The following COL28A1 variants were observed in gnomAD, a reference collection of about 807,000 sequenced individuals.
The protein encoded by COL28A1 is collagen type XXVIII alpha 1 chain.
A neutral mutation model predicts 150.2 loss-of-function variants in COL28A1; 161 were observed. The observed-to-expected ratio is 1.07, with a 90% CI of 0.94 to 1.22. The LOEUF is 1.22. COL28A1 is among the 50% of genes most tolerant of loss of function. The pLI, the probability that COL28A1 is intolerant of heterozygous loss-of-function variation, is 0.00. For synonymous variants in COL28A1, 552 were observed against 469.7 expected, an observed-to-expected ratio of 1.18 and a Z score of -2.26; for missense variants, 1,617 against 1,388.3, an observed-to-expected ratio of 1.16 and a Z score of -2.62.
At chr7:7,391,121 T>C (rs951406910) in intron 27 of COL28A1, among the ~76,000 whole-genome samples, 1 of 152,244 alleles carries the variant, frequency 6.6e-6, no homozygotes, top group Non-Finnish European at 1.5e-5. Flanking sequence ...TTTCGTGCTA[T>C]AAATTTCCCT....
At chr7:7,499,800 C>A (rs1329716621) in intron 11 of COL28A1, among the ~76,000 whole-genome samples, 1 of 152,118 alleles carries the variant, frequency 6.6e-6, no homozygotes, top group East Asian at 1.9e-4. Context: ...GTAGGTTGAC[C>A]TAGCTACTAA....
intron 27 of COL28A1, among the ~76,000 whole-genome samples, chr7:7,394,600 G>C (rs1431077936): frequency 7.2e-5 from 11 of 152,160 alleles, no homozygotes; most frequent in African/African-American, 2.4e-4. Context: ...TAGCTATGGA[G>C]GGTCAGTTCA....
At chr7:7,408,194 T>C (rs1783593856) in intron 27 of COL28A1, among the ~76,000 whole-genome samples, 2 of 152,138 alleles carry the variant, frequency 1.3e-5, no homozygotes, top group Admixed American at 6.6e-5. Flanking sequence ...AATGTGAAAG[T>C]TGTTCTGAAG....
intron 27 of COL28A1, among the ~76,000 whole-genome samples, chr7:7,383,696 ATATATATG>A (rs1444650528): frequency 4.1e-4 from 60 of 144,686 alleles, no homozygotes; most frequent in Non-Finnish European, 6.7e-4. Flanking sequence ...ATATATATAT[ATATATATG>A]TATATGAGAT....
In COL28A1 at chr7:7,452,392, T is replaced by C; in HGVS notation, c.1441-5A>G. ...TCCCATTTGGCCTACTTCTCCCTAG[T>C]AAGAAAAGAGTTTAATACAGCAGCA... On this transcript the variant is annotated splice_polypyrimidine_tract_variant and splice_region_variant and intron_variant, in intron 17 of 34. Transcript: ENST00000399429. 1 of 1,592,274 alleles carries C rather than the reference T, an allele frequency of 6.3e-7. No homozygotes were observed. The highest frequency in any genetic ancestry group is 8.5e-7 in the Non-Finnish European group (1 of 1,174,902).
At chr7:7,391,114 C>G (rs9648611) in intron 27 of COL28A1, among the ~76,000 whole-genome samples, 1 of 151,972 alleles carries the variant, frequency 6.6e-6, no homozygotes, top group African/African-American at 2.4e-5. Context: ...GTGGGCATTT[C>G]GTGCTATAAA....
At position 7,489,432 on chromosome 7, in the gene COL28A1, G is replaced by A. The variant is rs753500892; in HGVS notation, c.1121C>T (p.Pro374Leu). Residue 374 changes from proline to leucine, a missense_variant, in exon 13 of 35, where the codon CCG becomes CTG. Transcript: ENST00000399429. ...IKGERGQEGR[P>L]GAPGPIGVGE... ...AACTCCAATGGGTCCTGGAGCTCCC[G>A]GTCTTCCTTCTTGGCCTCTTTCTCC... is the stretch of plus-strand genomic sequence containing the variant. 88 of 1,459,736 alleles carry A rather than the reference G, an allele frequency of 6.0e-5. 1 individual carries two copies. The highest frequency in any genetic ancestry group is 1.5e-4 in the South Asian group (13 of 88,028). 90.4% of individuals were successfully genotyped at this position (1,459,736 alleles called of 1,614,324 possible). A position where few individuals can be genotyped will look rare whatever the true frequency, so the allele number is the denominator to read the frequency against.
chr7:7,541,941 A>C, the COL28A1 span, among the ~76,000 whole-genome samples: 2,437 of 22,900 alleles, frequency 0.11, 65 homozygotes, highest in African/African-American at 0.14. Context: ...AGTTTTACCC[A>C]AAAAAAAAAA....
chr7:7,464,527 A>T (rs1787905632), intron 15 of COL28A1, among the ~76,000 whole-genome samples: 1 of 152,236 alleles, frequency 6.6e-6, no homozygotes, highest in Non-Finnish European at 1.5e-5. Context: ...AGCCATGCAA[A>T]TACATGGAAA....
chr7:7,379,004 A>C (rs1288216583), intron 30 of COL28A1, among the ~76,000 whole-genome samples: 1 of 152,188 alleles, frequency 6.6e-6, no homozygotes, highest in East Asian at 1.9e-4. Context: ...GGGCCCATGC[A>C]TCCAGGCCAG....
intron 11 of COL28A1, among the ~76,000 whole-genome samples, chr7:7,492,038 C>T (rs1212647301): frequency 6.6e-6 from 1 of 152,138 alleles, no homozygotes; most frequent in African/African-American, 2.4e-5. Context: ...CTTTATGTTT[C>T]AGCTAATGAA....
rs754225223 is a variant in COL28A1, at chr7:7,380,656, T to G, written c.2322+4A>C. The G allele has an allele frequency of 6.2e-7, 1 of 1,612,804 alleles. No homozygotes were observed. The highest frequency in any genetic ancestry group is 1.1e-5 in the South Asian group (1 of 91,032). ...CTCAATTACCCTCTAGAATGGATAC[T>G]CACTGTAAGTCCTAGGTCTCCTTTG... On this transcript the variant is annotated splice_donor_region_variant and intron_variant, in intron 30 of 34. Coordinates refer to ENST00000399429, the MANE Select transcript of COL28A1 (RefSeq NM_001037763.3).
At chr7:7,372,206 T>C (rs1408156000) in intron 32 of COL28A1, among the ~76,000 whole-genome samples, 3 of 151,884 alleles carry the variant, frequency 2.0e-5, no homozygotes, top group Non-Finnish European at 4.4e-5. Context: ...GAAACCATCC[T>C]GGCTAACACA....
intron 25 of COL28A1, chr7:7,420,190 C>T (rs1784322375): frequency 3.2e-6 from 1 of 309,144 alleles, no homozygotes; most frequent in Admixed American, 4.7e-5. Context: ...TTTCAGAACC[C>T]TCTTCTCTAG....
intron 11 of COL28A1, among the ~76,000 whole-genome samples, chr7:7,491,512 A>G (rs183123689): frequency 6.6e-6 from 1 of 152,370 alleles, no homozygotes; most frequent in East Asian, 1.9e-4. Context: ...CAACAGCAAG[A>G]GTTCTCATGA....
chr7:7,540,134 T>C (rs968351939), upstream of COL28A1, among the ~76,000 whole-genome samples: 1 of 152,230 alleles, frequency 6.6e-6, no homozygotes, highest in Non-Finnish European at 1.5e-5. Flanking sequence ...GAAAGTAGAT[T>C]GATCTAGTCC....
At chr7:7,421,114 C>A (rs1243034358) in intron 25 of COL28A1, among the ~76,000 whole-genome samples, 1 of 152,104 alleles carries the variant, frequency 6.6e-6, no homozygotes, top group Non-Finnish European at 1.5e-5. Flanking sequence ...GGTGAATGGA[C>A]AAAGTGCTGT....
At chr7:7,480,194 A>C (rs1789274435) in intron 13 of COL28A1, among the ~76,000 whole-genome samples, 1 of 152,230 alleles carries the variant, frequency 6.6e-6, no homozygotes, top group African/African-American at 2.4e-5. Context: ...ATAGATTCAT[A>C]AGAAAAAGAT....
intron 20 of COL28A1, among the ~76,000 whole-genome samples, chr7:7,442,397 T>C (rs1214935894): frequency 6.6e-6 from 1 of 152,178 alleles, no homozygotes; most frequent in African/African-American, 2.4e-5. Flanking sequence ...AAGCGCCTAT[T>C]TTCCAAAAAC....
Sources: gnomAD v4.1 joint callset for allele counts (sites outside exome capture counted in the v4.1 genomes callset) on GRCh38, gnomAD v4.1.1 for gene constraint, MANE v1.5 for transcripts, NCBI Gene and HGNC (gene_info 2026-07-23, HGNC 2026-07-21) for gene names.